LRRC66: variants seen among roughly 807,000 people sequenced by gnomAD.
LRRC66 encodes the protein leucine rich repeat containing 66.
LRRC66 carries 29 observed loss-of-function variants against 24.6 expected under a neutral mutation model. That is an observed-to-expected ratio of 1.18 (90% CI 0.88 to 1.61). LRRC66 has a LOEUF of 1.61. LRRC66 is among the 40% of genes most tolerant of loss of function. The probability of loss-of-function intolerance (pLI) is 0.00; values close to 1 mark genes in which losing one functional copy is unlikely to be tolerated. For missense variants in LRRC66, 1,124 were observed against 1,058.0 expected (o/e 1.06, Z -0.87); for synonymous variants, 411 against 397.6 (o/e 1.03, Z -0.40).
chr4:52,013,814 A>G (rs1363637819), intron 2 of LRRC66, among the ~76,000 whole-genome samples: 1 of 152,232 alleles, frequency 6.6e-6, no homozygotes, highest in Non-Finnish European at 1.5e-5. Context: ...ACATAGTTAC[A>G]AAGGTTGCTT....
chr4:52,018,668 A>AGGATTTCAAATG, intron 1 of LRRC66: 1 of 907,732 alleles, frequency 1.1e-6, no homozygotes, highest in Non-Finnish European at 1.3e-6. Flanking sequence ...CCTTCATTTG[A>AGGATTTCAAATG]AATCCTCAAA....
intron 2 of LRRC66, among the ~76,000 whole-genome samples, chr4:52,014,816 C>T (rs1033421405): frequency 5.3e-5 from 8 of 152,178 alleles, no homozygotes; most frequent in Non-Finnish European, 1.2e-4. Flanking sequence ...ACTGAACTTC[C>T]ACCGTCTATC....
At chr4:52,006,814 A>G (rs920242165) in intron 2 of LRRC66, among the ~76,000 whole-genome samples, 4 of 151,928 alleles carry the variant, frequency 2.6e-5, no homozygotes, top group Non-Finnish European at 4.4e-5. Context: ...TTTATGCTCT[A>G]AGCATTTCAC....
intron 2 of LRRC66, among the ~76,000 whole-genome samples, chr4:52,014,533 ATAGACT>A (rs1266394489): frequency 1.3e-5 from 2 of 152,222 alleles, no homozygotes; most frequent in African/African-American, 4.8e-5. Flanking sequence ...TCACCTATAA[ATAGACT>A]TAGAGTGAAG....
At chr4:52,015,244 A>G (rs1230800942) in intron 2 of LRRC66, among the ~76,000 whole-genome samples, 4 of 152,184 alleles carry the variant, frequency 2.6e-5, no homozygotes, top group Non-Finnish European at 5.9e-5. Context: ...GGCAGAAAGT[A>G]GCTGAGTCTA....
Position 51,995,838 on chromosome 4 carries a change from G to GC in LRRC66, c.1183dup (p.Ala395GlyfsTer8). The GC allele has an allele frequency of 1.2e-6, 2 of 1,614,142 alleles. No homozygotes were observed. Among genetic ancestry groups the GC allele is most frequent in the South Asian group, 1.1e-5 (1 of 91,084 alleles). On this transcript the variant is annotated frameshift_variant, in exon 5 of 5. Transcript: ENST00000682860. LOFTEE classifies it low-confidence loss of function (END_TRUNC). Reference sequence around the variant, plus strand: ...TCTGTCAACATAAGGCCTTGTGAAAGCCCCCAGGCTGAAGGCGACAAGGAA... The same window carrying GC: ...TCTGTCAACATAAGGCCTTGTGAAAGCCCCCCAGGCTGAAGGCGACAAGGAA...
intron 2 of LRRC66, among the ~76,000 whole-genome samples, chr4:52,008,696 A>C (rs1468329315): frequency 6.6e-6 from 1 of 152,184 alleles, no homozygotes; most frequent in Non-Finnish European, 1.5e-5. Flanking sequence ...TTTGAAAAAC[A>C]AAGGCAAATA....
At chr4:52,017,710 G>T in intron 1 of LRRC66, 92 bp from the exon 2 acceptor site, 2 of 1,392,870 alleles carry the variant, frequency 1.4e-6, no homozygotes, top group Non-Finnish European at 1.9e-6. Context: ...TTAAGATTTC[G>T]GAAAGTTATC....
In LRRC66 at chr4:51,994,880, G is replaced by A; in HGVS notation, c.2142C>T (p.Ser714=). The change falls in exon 5 of 5, where the codon AGC becomes AGT. Residue 714 remains serine (S), a synonymous_variant. Coordinates refer to ENST00000682860, the MANE Select transcript of LRRC66 (RefSeq NM_001024611.3). ...TCCTTGCACTCTCTGAACTTATGGAGCTCAGAGTGAACAGAGACCCCTCAT... is the reference window on the plus strand; with the variant it reads ...TCCTTGCACTCTCTGAACTTATGGAACTCAGAGTGAACAGAGACCCCTCAT... ...DSDEGSLFTL[S]SISSESARSK... is the part of the protein sequence containing the mutation. 1 of 1,614,156 alleles carries A rather than the reference G, an allele frequency of 6.2e-7. No homozygotes were observed. The highest frequency in any genetic ancestry group is 8.5e-7 in the Non-Finnish European group (1 of 1,180,036).
intron 4 of LRRC66, among the ~76,000 whole-genome samples, chr4:51,997,428 G>A (rs993477856): frequency 4.6e-5 from 7 of 152,144 alleles, no homozygotes; most frequent in African/African-American, 1.7e-4. Flanking sequence ...CCAACAGCTT[G>A]TCTATGGTTC....
At chr4:52,017,722 T>C in intron 1 of LRRC66, 104 bp from the exon 2 acceptor site, 1 of 1,383,150 alleles carries the variant, frequency 7.2e-7, no homozygotes, top group Non-Finnish European at 9.3e-7. Context: ...AAAGTTATCT[T>C]GTCTTGGTTG....
At chr4:52,018,968 C>T (rs1176973794) in intron 1 of LRRC66, among the ~76,000 whole-genome samples, 1 of 152,220 alleles carries the variant, frequency 6.6e-6, no homozygotes, top group African/African-American at 2.4e-5. Flanking sequence ...CCTCCGCCTC[C>T]CGGGTTCAAG....
rs909494400 is a variant in LRRC66, at chr4:52,018,567, T to G, written c.-5-949A>C. Reference sequence around the variant, plus strand: ...ACTAAAATGGCTTAACTGACTTTCTTGCCTCTGCCTCTTGACTTTCCTTCT... The same window carrying G: ...ACTAAAATGGCTTAACTGACTTTCTGGCCTCTGCCTCTTGACTTTCCTTCT... On this transcript the variant is annotated intron_variant, in intron 1 of 4. Coordinates refer to ENST00000682860, the MANE Select transcript of LRRC66 (RefSeq NM_001024611.3). The G allele has an allele frequency of 2.9e-5, 29 of 985,346 alleles. No individual in the cohort carries two copies. In the African/African-American group the frequency reaches 4.5e-4, roughly 15 times the overall value. The allele number at this position is 985,346 out of a possible 1,614,324, so 61.0% of individuals were successfully genotyped here.
chr4:52,009,772 A>T (rs923287630), intron 2 of LRRC66, among the ~76,000 whole-genome samples: 24 of 152,196 alleles, frequency 1.6e-4, no homozygotes, highest in African/African-American at 5.3e-4. Flanking sequence ...TATGGAAGAA[A>T]CAAAGCCAAT....
At position 51,995,028 on chromosome 4, in the gene LRRC66, C is replaced by T. The variant is rs778851249; in HGVS notation, c.1994G>A (p.Gly665Asp). Residue 665 changes from glycine (G) to aspartate (D), a missense_variant, in exon 5 of 5, where the codon GGC becomes GAC. Gly to Asp is a moderately conservative substitution (Grantham distance 94). Coordinates refer to ENST00000682860, the MANE Select transcript of LRRC66 (RefSeq NM_001024611.3). The stretch of plus-strand genomic sequence containing the variant: ...CCATCTTGGAGGAAAGACTGATGGG[C>T]CTGTGTCTCTTGGGTCACCGTATGG... ...EVPYGDPRDT[G>D]PSVFPPRWDS... 1.5e-5 allele frequency: 25 copies of T among 1,613,988 alleles called. No homozygotes were observed. The Admixed American group carries it at 3.3e-4, about 22-fold the overall frequency.
intron 3 of LRRC66, among the ~76,000 whole-genome samples, chr4:52,001,222 A>G (rs538824985): frequency 2.0e-5 from 3 of 152,360 alleles, no homozygotes; most frequent in South Asian, 4.1e-4. Flanking sequence ...ATAGCATGTT[A>G]TAAGTGTTTA....
intron 2 of LRRC66, among the ~76,000 whole-genome samples, chr4:52,004,741 C>T (rs1736535666): frequency 6.6e-6 from 1 of 152,164 alleles, no homozygotes; most frequent in Admixed American, 6.5e-5. Context: ...ATTGATTATA[C>T]AGGGAGATGA....
At position 51,994,861 on chromosome 4, in the gene LRRC66, C is replaced by T. The variant is rs781398682; in HGVS notation, c.2161G>A (p.Ala721Thr). 7 of 1,614,096 alleles carry T rather than the reference C, an allele frequency of 4.3e-6. No individual in the cohort carries two copies. The highest frequency in any genetic ancestry group is 3.3e-5 in the South Asian group (3 of 91,088). ...FTLSSISSES[A>T]RSKTEEAVPD... ...ACTGCCTCTTCAGTCTTGCTCCTTGCACTCTCTGAACTTATGGAGCTCAGA... is the reference window on the plus strand; with the variant it reads ...ACTGCCTCTTCAGTCTTGCTCCTTGTACTCTCTGAACTTATGGAGCTCAGA... Residue 721 changes from alanine to threonine, a missense_variant, in exon 5 of 5, where the codon GCA (alanine) becomes ACA (threonine). Ala to Thr is a moderately conservative substitution (Grantham distance 58). Coordinates refer to ENST00000682860, the MANE Select transcript of LRRC66 (RefSeq NM_001024611.3).
rs755310525 is a variant in LRRC66 at position 51,994,769 on chromosome 4, G to C, written c.2253C>G (p.Asp751Glu). 1.2e-6 allele frequency: 2 copies of C among 1,614,222 alleles called. No individual in the cohort carries two copies. Among genetic ancestry groups the C allele is most frequent in the Non-Finnish European group, 1.7e-6 (2 of 1,180,034 alleles). Residue 751 changes from aspartate (D) to glutamate (E), a missense_variant, in exon 5 of 5, where the codon GAC becomes GAG. By Grantham distance (45) the Asp-to-Glu change is conservative. Coordinates refer to ENST00000682860, the MANE Select transcript of LRRC66 (RefSeq NM_001024611.3). Reference sequence around the variant, plus strand: ...GGAAGGTAACATTTTCCTCAAGACTGTCTACAGCCGTCACATTGTCCTTGC... The same window carrying C: ...GGAAGGTAACATTTTCCTCAAGACTCTCTACAGCCGTCACATTGTCCTTGC... Reference protein sequence around the residue: ...GASKDNVTAVDSLEENVTFQT... With the variant: ...GASKDNVTAVESLEENVTFQT...
Sources: allele counts gnomAD v4.1 joint callset (sites outside exome capture counted in the v4.1 genomes callset), GRCh38; gene constraint gnomAD v4.1.1; transcripts MANE v1.5; gene names NCBI Gene and HGNC (gene_info 2026-07-23, HGNC 2026-07-21).